ZFHX3: variants seen among roughly 807,000 people sequenced by gnomAD.
The protein encoded by ZFHX3 is zinc finger homeobox protein 3.
In ZFHX3, 42 loss-of-function variants were observed where a neutral mutation model predicts 279.1. The observed-to-expected ratio is 0.15, with a 90% CI of 0.12 to 0.19. The LOEUF (loss-of-function observed/expected upper bound fraction) is 0.19. Among genes scored for constraint, ZFHX3 ranks in the 10% least tolerant of loss-of-function variants. The probability of loss-of-function intolerance (pLI) is 1.00; values close to 1 mark genes in which losing one functional copy is unlikely to be tolerated. For missense variants in ZFHX3, 4,981 were observed against 4,754.0 expected (o/e 1.05, Z -1.40); for synonymous variants, 2,293 against 1,957.8 (o/e 1.17, Z -4.52).
intron 2 of ZFHX3, among the ~76,000 whole-genome samples, chr16:73,605,097 TAAAAA>T (rs1254286459): frequency 6.6e-6 from 1 of 152,090 alleles, no homozygotes; most frequent in African/African-American, 2.4e-5. Flanking sequence ...CTGCTGTAAC[TAAAAA>T]AGGAATGATT....
intron 7 of ZFHX3, among the ~76,000 whole-genome samples, chr16:73,110,469 A>G (rs531594932): frequency 1.3e-5 from 2 of 152,312 alleles, no homozygotes; most frequent in African/African-American, 4.8e-5. Context: ...TTATTATGTA[A>G]TTTTAAAAAC....
At chr16:72,890,452 G>C (rs1013274220) in intron 3 of ZFHX3, among the ~76,000 whole-genome samples, 1 of 151,346 alleles carries the variant, frequency 6.6e-6, no homozygotes, top group African/African-American at 2.4e-5. Context: ...GTAGCAGCAC[G>C]GTAATGGACT....
chr16:73,789,051 G>A (rs1396629766), intron 1 of ZFHX3, among the ~76,000 whole-genome samples: 2 of 150,072 alleles, frequency 1.3e-5, no homozygotes, highest in African/African-American at 2.4e-5. Context: ...TCTATATATA[G>A]ATATCTTATA....
intron 5 of ZFHX3, among the ~76,000 whole-genome samples, chr16:73,172,915 G>A (rs1413682374): frequency 4.1e-5 from 6 of 148,022 alleles, no homozygotes; most frequent in South Asian, 4.3e-4. Context: ...GATTTCTCAT[G>A]GTGGGGCTGC....
intron 5 of ZFHX3, among the ~76,000 whole-genome samples, chr16:73,215,866 T>C (rs1283657511): frequency 6.6e-6 from 1 of 152,110 alleles, no homozygotes; most frequent in Non-Finnish European, 1.5e-5. Flanking sequence ...GAGGTGTGTG[T>C]GTGTGCATGG....
chr16:72,836,022 G>A (rs147662945), intron 4 of ZFHX3, among the ~76,000 whole-genome samples: 3 of 152,278 alleles, frequency 2.0e-5, no homozygotes, highest in African/African-American at 4.8e-5. Context: ...AATCCAGTGC[G>A]TTATAATTCT....
chr16:73,429,926 C>T (rs7188823), intron 3 of ZFHX3, among the ~76,000 whole-genome samples: 9,462 of 151,610 alleles, frequency 0.062, 330 homozygotes, highest in East Asian at 0.075. Flanking sequence ...CTTGCTCTGT[C>T]GCCCAGGCTG....
At chr16:73,697,139 G>C (rs1267405366) in intron 1 of ZFHX3, among the ~76,000 whole-genome samples, 2 of 151,620 alleles carry the variant, frequency 1.3e-5, no homozygotes, top group Non-Finnish European at 2.9e-5. Flanking sequence ...GACCAATTCT[G>C]ATATCACTTA....
Position 73,887,217 on chromosome 16 carries a change from T to G in ZFHX3, c.-1608+4434A>C, listed in dbSNP as rs2030375704. ...CCTTATTCACAGAGATCTCTAGCTGTGACAGCGTGTTGGCGGCAAAGCAAA... is the reference window on the plus strand; with the variant it reads ...CCTTATTCACAGAGATCTCTAGCTGGGACAGCGTGTTGGCGGCAAAGCAAA... On this transcript the variant is annotated intron_variant, in intron 1 of 17. Transcript: ENST00000641206. Among the ~76,000 whole-genome samples the G allele has an allele frequency of 2.0e-5, 3 of 152,180 alleles. No individual in the cohort carries two copies. In the South Asian group the frequency reaches 6.2e-4, roughly 32 times the overall value.
intron 3 of ZFHX3, among the ~76,000 whole-genome samples, chr16:73,318,939 C>A (rs1268114204): frequency 6.6e-6 from 1 of 152,170 alleles, no homozygotes; most frequent in Admixed American, 6.5e-5. Context: ...CAAAGCCCAA[C>A]TGGCCCTTCT....
At chr16:73,050,417 G>A (rs1186697292), upstream of ZFHX3, among the ~76,000 whole-genome samples, 2 of 152,184 alleles carry the variant, frequency 1.3e-5, no homozygotes, top group Non-Finnish European at 2.9e-5. Flanking sequence ...ATGAGGCCTA[G>A]TCAAGCCTGC....
intron 7 of ZFHX3, among the ~76,000 whole-genome samples, chr16:73,105,901 A>C (rs1966297490): frequency 1.3e-5 from 2 of 149,400 alleles, no homozygotes; most frequent in African/African-American, 2.5e-5. Flanking sequence ...TCACCCCCGC[A>C]TCTCTCCCAC....
intron 1 of ZFHX3, among the ~76,000 whole-genome samples, chr16:73,740,803 C>A (rs1430303214): frequency 3.3e-5 from 5 of 152,144 alleles, no homozygotes; most frequent in Non-Finnish European, 7.4e-5. Context: ...GTACCCCTGC[C>A]TTCCATCAGG....
intron 3 of ZFHX3, among the ~76,000 whole-genome samples, chr16:73,371,323 T>C (rs1380627204): frequency 2.6e-5 from 4 of 151,722 alleles, no homozygotes; most frequent in Non-Finnish European, 5.9e-5. Flanking sequence ...AAAGACCTCA[T>C]CATTGAATTG....
intron 1 of ZFHX3, among the ~76,000 whole-genome samples, chr16:73,011,921 C>T (rs1054225110): frequency 1.3e-5 from 2 of 152,104 alleles, no homozygotes; most frequent in African/African-American, 4.8e-5. Flanking sequence ...AAGTTTCTAT[C>T]GAGGGGTAGA....
intron 8 of ZFHX3, among the ~76,000 whole-genome samples, chr16:73,072,215 A>G (rs1274694369): frequency 2.0e-5 from 3 of 152,068 alleles, no homozygotes; most frequent in African/African-American, 7.2e-5. Context: ...CTTTGGGAGG[A>G]AGGTGGATCA....
At position 73,512,569 on chromosome 16, in the gene ZFHX3, C is replaced by G. The variant is rs1373172706; in HGVS notation, c.-1546-56311G>C. Among the ~76,000 whole-genome samples the G allele has an allele frequency of 3.4e-5, 5 of 147,446 alleles. No individual in the cohort carries two copies. In the South Asian group the frequency reaches 1.1e-3, roughly 32 times the overall value. ...GGATCTAAAGGGTATTGGAACAGAA[C>G]AGTTGGAAAAGGAGGCAGATGGGCA... On this transcript the variant is annotated intron_variant, in intron 2 of 17. Coordinates refer to the ZFHX3 transcript ENST00000641206.
At chr16:73,354,602 C>T (rs576611396) in intron 3 of ZFHX3, among the ~76,000 whole-genome samples, 1 of 152,298 alleles carries the variant, frequency 6.6e-6, no homozygotes, top group South Asian at 2.1e-4. Context: ...CCCAGTCCAG[C>T]GTCTGCCTGC....
At chr16:73,325,946 CACACAG>C (rs1326205448) in intron 3 of ZFHX3, among the ~76,000 whole-genome samples, 1 of 151,818 alleles carries the variant, frequency 6.6e-6, no homozygotes, top group Non-Finnish European at 1.5e-5. Context: ...CACACACACA[CACACAG>C]GGGAGAGTAT....
Sources: allele counts gnomAD v4.1 joint callset (sites outside exome capture counted in the v4.1 genomes callset), GRCh38; gene constraint gnomAD v4.1.1; transcripts MANE v1.5; gene names NCBI Gene and HGNC (gene_info 2026-07-23, HGNC 2026-07-21).